ACO2: variants seen among roughly 807,000 people sequenced by gnomAD.
The protein encoded by ACO2 is aconitate hydratase, mitochondrial.
In ACO2, 31 loss-of-function variants were observed where a neutral mutation model predicts 84.5. The observed-to-expected ratio is 0.37, with a 90% CI of 0.28 to 0.50. The LOEUF (loss-of-function observed/expected upper bound fraction) is 0.50. Ranked by LOEUF, ACO2 falls within the 20% of genes least tolerant of loss-of-function variation. The pLI, the probability that ACO2 is intolerant of heterozygous loss-of-function variation, is 0.97. For synonymous variants in ACO2, 414 were observed against 412.7 expected, an observed-to-expected ratio of 1.00 and a Z score of -0.04; for missense variants, 685 against 1,029.3, an observed-to-expected ratio of 0.67 and a Z score of 4.58.
chr22:41,490,870 C>T (rs112784148), intron 1 of ACO2, among the ~76,000 whole-genome samples: 1 of 151,844 alleles, frequency 6.6e-6, no homozygotes, highest in African/African-American at 2.4e-5. Flanking sequence ...TATGTAACAC[C>T]TCCTGTGTAT....
At chr22:41,516,857 G>A (rs78086655) in intron 6 of ACO2, among the ~76,000 whole-genome samples, 1,797 of 152,170 alleles carry the variant, frequency 0.012, 38 homozygotes, top group African/African-American at 0.041. Flanking sequence ...TGAGTAGCTG[G>A]GATTACAGGT....
At chr22:41,485,865 G>A (rs955307309) in intron 1 of ACO2, among the ~76,000 whole-genome samples, 4 of 152,140 alleles carry the variant, frequency 2.6e-5, no homozygotes, top group African/African-American at 9.7e-5. Context: ...GGGATTACAG[G>A]CTCGAGCCAC....
chr22:41,509,921 C>T (rs1169087542), intron 3 of ACO2, among the ~76,000 whole-genome samples: 7 of 150,588 alleles, frequency 4.6e-5, no homozygotes, highest in African/African-American at 1.5e-4. Flanking sequence ...CTGCAACCTC[C>T]GCCTCCTGGG....
At chr22:41,497,378 C>CACAGATAA (rs199556593) in intron 1 of ACO2, among the ~76,000 whole-genome samples, 1 of 152,034 alleles carries the variant, frequency 6.6e-6, no homozygotes, top group African/African-American at 2.4e-5. Flanking sequence ...CTCTTGCTGT[C>CACAGATAA]ATTTCTTTGG....
In ACO2 at chr22:41,508,046, C is replaced by T; in HGVS notation, c.429C>T (p.Ala143=). Residue 143 remains alanine (A), a synonymous_variant, in exon 3 of 18, where the codon GCC becomes GCT. Coordinates refer to ENST00000216254, the MANE Select transcript of ACO2 (RefSeq NM_001098.3). ...QVGGEKDLRR[A]KDINQEVYNF... ...GGGGCGAGAAAGACCTGCGCCGGGC[C>T]AAGGTGAGCAGAAGGTGGCTTTGGG... 1 of 1,607,824 alleles carries T rather than the reference C, an allele frequency of 6.2e-7. No homozygotes were observed. Among genetic ancestry groups the T allele is most frequent in the Non-Finnish European group, 8.5e-7 (1 of 1,174,960 alleles).
At chr22:41,512,927 C>T (rs1012236637) in intron 4 of ACO2, among the ~76,000 whole-genome samples, 1 of 152,212 alleles carries the variant, frequency 6.6e-6, no homozygotes, top group African/African-American at 2.4e-5. Flanking sequence ...TTCCCCCCAC[C>T]TCCATCCCAG....
At chr22:41,476,236 C>G (rs142330436) in intron 1 of ACO2, among the ~76,000 whole-genome samples, 1 of 150,814 alleles carries the variant, frequency 6.6e-6, no homozygotes, top group African/African-American at 2.4e-5. Flanking sequence ...GGTGAAACCC[C>G]GTCTGTACTT....
intron 9 of ACO2, among the ~76,000 whole-genome samples, chr22:41,521,746 G>A (rs1304950393): frequency 1.3e-5 from 2 of 151,590 alleles, no homozygotes; most frequent in African/African-American, 4.8e-5. Context: ...TATCTTGGCT[G>A]GTTATATGGG....
chr22:41,525,268 A>G lies in ACO2; in HGVS notation c.1681A>G (p.Thr561Ala). 6.2e-7 allele frequency: 1 copy of G among 1,613,716 alleles called. No homozygotes were observed. Among genetic ancestry groups the G allele is most frequent in the Non-Finnish European group, 8.5e-7 (1 of 1,179,946 alleles). ...SSGQHVDVSP[T>A]SQRLQLLEPF... ...CGGGCAGCATGTGGACGTGAGCCCC[A>G]CCAGCCAGCGCCTGCAGCTCCTGGA... is the stretch of plus-strand genomic sequence containing the variant. Residue 561 changes from threonine to alanine, a missense_variant, in exon 14 of 18, where the codon ACC (threonine) becomes GCC (alanine). Thr to Ala is a moderately conservative substitution (Grantham distance 58). This residue lies in a region of ACO2 where 311 missense variants were observed against 441.6 expected (regional missense o/e 0.70). Coordinates refer to ENST00000216254, the MANE Select transcript of ACO2 (RefSeq NM_001098.3).
chr22:41,482,398 C>T (rs1382466917), intron 1 of ACO2, among the ~76,000 whole-genome samples: 1 of 152,364 alleles, frequency 6.6e-6, no homozygotes, highest in South Asian at 2.1e-4. Flanking sequence ...GTCTCTGAGC[C>T]TCTGCAGCTT....
intron 1 of ACO2, among the ~76,000 whole-genome samples, chr22:41,473,149 C>T (rs1478454077): frequency 1.3e-5 from 2 of 152,148 alleles, no homozygotes; most frequent in African/African-American, 2.4e-5. Context: ...GGAACAGACA[C>T]ACCATCCTGA....
At position 41,500,682 on chromosome 22, in the gene ACO2, G is replaced by A. The variant is rs1389103599; in HGVS notation, c.173+820G>A. ...TTATAGACGTAAGCCACTGCGCCTG[G>A]CCTATTTTATTTTATGATTTTATGT... On this transcript the variant is annotated intron_variant, in intron 2 of 17. Coordinates refer to ENST00000216254, the MANE Select transcript of ACO2 (RefSeq NM_001098.3). 1.3e-5 allele frequency among the ~76,000 whole-genome samples: 2 copies of A among 151,740 alleles called. 1 individual carries two copies. Among genetic ancestry groups the A allele is most frequent in the South Asian group, 4.2e-4 (2 of 4,812 alleles).
intron 1 of ACO2, among the ~76,000 whole-genome samples, chr22:41,489,724 G>A (rs2079684450): frequency 6.6e-6 from 1 of 151,882 alleles, no homozygotes; most frequent in Non-Finnish European, 1.5e-5. Flanking sequence ...CACCGGTGTC[G>A]GGTGGTCCTG....
chr22:41,510,680 G>GT (rs1256526790), intron 3 of ACO2, among the ~76,000 whole-genome samples: 1 of 152,142 alleles, frequency 6.6e-6, no homozygotes, highest in Non-Finnish European at 1.5e-5. Context: ...TGTTACTGGG[G>GT]TCAGTCTCAC....
chr22:41,523,545 G>A (rs1337715792), intron 11 of ACO2, among the ~76,000 whole-genome samples: 1 of 152,222 alleles, frequency 6.6e-6, no homozygotes, highest in African/African-American at 2.4e-5. Flanking sequence ...GACGGACACA[G>A]CAGGAGCCGT....
At position 41,527,237 on chromosome 22, in the gene ACO2, G is replaced by A. The variant is rs760582933; in HGVS notation, c.1954-51G>A. The A allele has an allele frequency of 3.1e-6, 5 of 1,612,532 alleles. No homozygotes were observed. The South Asian group carries it at 3.3e-5, about 11-fold the overall frequency. The stretch of plus-strand genomic sequence containing the variant: ...GCCAGGCAGGTAGGGCCAGACAGGT[G>A]AGGACGGTGCCCTCCTCTGCCTTAT... On this transcript the variant is annotated intron_variant, in intron 15 of 17. Transcript: ENST00000216254.
intron 1 of ACO2, among the ~76,000 whole-genome samples, chr22:41,480,175 TAGG>T (rs1016235970): frequency 6.6e-6 from 1 of 152,132 alleles, no homozygotes; most frequent in Non-Finnish European, 1.5e-5. Flanking sequence ...TGCTTCTCCT[TAGG>T]AGGGTGTGGA....
intron 1 of ACO2, among the ~76,000 whole-genome samples, chr22:41,477,650 A>T (rs1349770531): frequency 5.9e-5 from 9 of 152,116 alleles, no homozygotes; most frequent in African/African-American, 1.9e-4. Flanking sequence ...TGGATAAAGT[A>T]CTTGGGGCAA....
intron 1 of ACO2, among the ~76,000 whole-genome samples, chr22:41,486,294 A>G (rs576617817): frequency 6.7e-6 from 1 of 149,624 alleles, no homozygotes; most frequent in East Asian, 2.0e-4. Context: ...GCTACTGTCA[A>G]CCTCTTCTTT....
Sources: allele counts gnomAD v4.1 joint callset (sites outside exome capture counted in the v4.1 genomes callset), GRCh38; gene constraint gnomAD v4.1.1; regional missense constraint gnomAD v4.1.1; transcripts MANE v1.5; gene names NCBI Gene and HGNC (gene_info 2026-07-23, HGNC 2026-07-21).